The following PRR16 variants were observed in gnomAD, a reference collection of about 807,000 sequenced individuals.
The protein encoded by PRR16 is proline rich 16.
PRR16 carries 6 observed loss-of-function variants against 18.2 expected under a neutral mutation model. That is an observed-to-expected ratio of 0.33 (90% CI 0.18 to 0.65). The LOEUF (loss-of-function observed/expected upper bound fraction) is 0.65. Among genes scored for constraint, PRR16 ranks in the 30% least tolerant of loss-of-function variants. PRR16 has a pLI of 0.74. For synonymous variants in PRR16, 151 were observed against 147.8 expected, an observed-to-expected ratio of 1.02 and a Z score of -0.16; for missense variants, 412 against 376.6, an observed-to-expected ratio of 1.09 and a Z score of -0.78.
At chr5:120,651,543 A>G (rs570960256) in intron 1 of PRR16, among the ~76,000 whole-genome samples, 80 of 152,338 alleles carry the variant, frequency 5.3e-4, no homozygotes, top group Non-Finnish European at 7.9e-4. Context: ...AGCTTTCTGC[A>G]TATGGCTAGC....
At chr5:120,490,767 T>C (rs1580638811) in intron 1 of PRR16, among the ~76,000 whole-genome samples, 1 of 139,982 alleles carries the variant, frequency 7.1e-6, no homozygotes, top group Non-Finnish European at 1.6e-5. Flanking sequence ...TCTGTTTTTT[T>C]CCCCATCTTT....
intron 1 of PRR16, among the ~76,000 whole-genome samples, chr5:120,662,111 G>A (rs1211981688): frequency 6.6e-6 from 1 of 152,024 alleles, no homozygotes; most frequent in Non-Finnish European, 1.5e-5. Flanking sequence ...GGAATGCTGA[G>A]TTATCCATAA....
the PRR16 span, among the ~76,000 whole-genome samples, chr5:120,740,999 T>G: frequency 5.1e-3 from 781 of 152,166 alleles, 7 homozygotes; most frequent in African/African-American, 0.018. Context: ...ATGTATTTAA[T>G]TTTTCTTTAA....
chr5:120,727,668 T>C, the PRR16 span, among the ~76,000 whole-genome samples: 1 of 152,148 alleles, frequency 6.6e-6, no homozygotes, highest in African/African-American at 2.4e-5. Flanking sequence ...GTTTTGAAAC[T>C]CTTTATTGTT....
At chr5:120,605,311 C>T (rs1034308667) in intron 1 of PRR16, among the ~76,000 whole-genome samples, 1 of 152,108 alleles carries the variant, frequency 6.6e-6, no homozygotes, top group African/African-American at 2.4e-5. Context: ...CTTTCCTCAG[C>T]TTAGTATATT....
chr5:120,712,009 T>A, the PRR16 span, among the ~76,000 whole-genome samples: 2 of 152,182 alleles, frequency 1.3e-5, no homozygotes, highest in South Asian at 2.1e-4. Context: ...GTGTGTCATA[T>A]TTTTCCTCTT....
the PRR16 span, among the ~76,000 whole-genome samples, chr5:120,769,153 T>C: frequency 0.088 from 13,376 of 151,682 alleles, 806 homozygotes; most frequent in African/African-American, 0.17. Flanking sequence ...TAAATTTCTT[T>C]AGTCCTCGGA....
chr5:120,638,447 T>C (rs1755314513), intron 1 of PRR16, among the ~76,000 whole-genome samples: 1 of 152,134 alleles, frequency 6.6e-6, no homozygotes. Flanking sequence ...ATTTCAGTAA[T>C]GGTAGTCAAT....
chr5:120,474,789 T>A (rs1749386704), intron 1 of PRR16, among the ~76,000 whole-genome samples: 1 of 152,130 alleles, frequency 6.6e-6, no homozygotes, highest in African/African-American at 2.4e-5. Context: ...TATGTGTGTT[T>A]TAGGATTTGG....
At chr5:120,616,788 C>G (rs1479862284) in intron 1 of PRR16, among the ~76,000 whole-genome samples, 1 of 152,112 alleles carries the variant, frequency 6.6e-6, no homozygotes, top group Non-Finnish European at 1.5e-5. Flanking sequence ...CTATGGTATA[C>G]TGTTTTCAGA....
At chr5:120,764,498 A>T in the PRR16 span, among the ~76,000 whole-genome samples, 1 of 151,854 alleles carries the variant, frequency 6.6e-6, no homozygotes, top group South Asian at 2.1e-4. Context: ...TATATTCTAG[A>T]TATAGGCCTG....
intron 1 of PRR16, among the ~76,000 whole-genome samples, chr5:120,602,900 C>A (rs1754031909): frequency 6.6e-6 from 1 of 151,984 alleles, no homozygotes; most frequent in South Asian, 2.1e-4. Flanking sequence ...ATCATCGCAT[C>A]TCAGGGATAA....
At chr5:120,649,719 A>G (rs1441642352) in intron 1 of PRR16, among the ~76,000 whole-genome samples, 2 of 152,138 alleles carry the variant, frequency 1.3e-5, no homozygotes, top group Non-Finnish European at 2.9e-5. Context: ...ATATTAAACT[A>G]CAGAAATGGT....
the PRR16 span, among the ~76,000 whole-genome samples, chr5:120,772,772 T>C: frequency 2.0e-5 from 3 of 152,106 alleles, no homozygotes; most frequent in Non-Finnish European, 4.4e-5. Flanking sequence ...TCTTTGATGC[T>C]CACAAAACAT....
intron 1 of PRR16, among the ~76,000 whole-genome samples, chr5:120,469,829 A>T (rs73783451): frequency 2.4e-3 from 364 of 152,314 alleles, no homozygotes; most frequent in African/African-American, 8.1e-3. Context: ...TAATTTTGAG[A>T]ACATAGAGGT....
chr5:120,567,151 A>T (rs1359139372), intron 1 of PRR16, among the ~76,000 whole-genome samples: 1 of 152,162 alleles, frequency 6.6e-6, no homozygotes, highest in African/African-American at 2.4e-5. Context: ...ACCATCTCAC[A>T]TATGCCATTT....
the PRR16 span, among the ~76,000 whole-genome samples, chr5:120,728,668 A>T: frequency 7.2e-5 from 11 of 152,320 alleles, no homozygotes; most frequent in African/African-American, 2.6e-4. Flanking sequence ...CTACAGCGAA[A>T]TGCTTCATCT....
intron 1 of PRR16, among the ~76,000 whole-genome samples, chr5:120,542,464 C>T (rs1454035060): frequency 6.6e-6 from 1 of 150,794 alleles, no homozygotes; most frequent in Non-Finnish European, 1.5e-5. Context: ...GAAATTAAGA[C>T]ATTAACATGG....
intron 1 of PRR16, among the ~76,000 whole-genome samples, chr5:120,582,177 A>G (rs2112756974): frequency 6.6e-6 from 1 of 152,294 alleles, no homozygotes; most frequent in East Asian, 1.9e-4. Context: ...GCTGGAGATC[A>G]TTATCCTAAG....
Sources: gnomAD v4.1 joint callset for allele counts (sites outside exome capture counted in the v4.1 genomes callset) on GRCh38, gnomAD v4.1.1 for gene constraint, MANE v1.5 for transcripts, NCBI Gene and HGNC (gene_info 2026-07-23, HGNC 2026-07-21) for gene names.